The following ATRNL1 variants were observed in gnomAD, a reference collection of about 807,000 sequenced individuals.
ATRNL1 encodes attractin-like protein 1.
Under a neutral mutation model 182.7 loss-of-function variants are expected in ATRNL1, and 95 were observed. The observed-to-expected ratio is 0.52, with a 90% CI of 0.44 to 0.62. The LOEUF is 0.62. ATRNL1 is among the 20% of genes least tolerant of loss of function. The pLI is 0.00. For synonymous variants in ATRNL1, 576 were observed against 568.3 expected, an observed-to-expected ratio of 1.01 and a Z score of -0.19; for missense variants, 1,471 against 1,679.5, an observed-to-expected ratio of 0.88 and a Z score of 2.17.
At chr10:115,237,967 G>T (rs1214570301) in intron 9 of ATRNL1, among the ~76,000 whole-genome samples, 1 of 152,156 alleles carries the variant, frequency 6.6e-6, no homozygotes, top group Non-Finnish European at 1.5e-5. Flanking sequence ...ATGCCCTGTT[G>T]TTCCAGCAAT....
At chr10:115,310,106 A>G (rs571835748) in intron 17 of ATRNL1, among the ~76,000 whole-genome samples, 1 of 152,198 alleles carries the variant, frequency 6.6e-6, no homozygotes, top group South Asian at 2.1e-4. Context: ...ATTATTTGAG[A>G]TTATCATATC....
chr10:115,694,815 T>G (rs1946501736), intron 26 of ATRNL1, among the ~76,000 whole-genome samples: 1 of 151,908 alleles, frequency 6.6e-6, no homozygotes, highest in Non-Finnish European at 1.5e-5. Context: ...TTTCCTTGCT[T>G]TATTTTGGGA....
intron 19 of ATRNL1, among the ~76,000 whole-genome samples, chr10:115,335,226 A>G (rs112283911): frequency 1.6e-4 from 25 of 152,186 alleles, no homozygotes; most frequent in African/African-American, 5.8e-4. Flanking sequence ...TCTAGATTGG[A>G]ACTTGTCTTT....
intron 26 of ATRNL1, among the ~76,000 whole-genome samples, chr10:115,564,790 G>A (rs1223179997): frequency 6.6e-6 from 1 of 151,790 alleles, no homozygotes; most frequent in East Asian, 1.9e-4. Flanking sequence ...ACATACAGAA[G>A]CAATATGAAT....
chr10:115,548,179 A>C (rs558491876), intron 25 of ATRNL1, among the ~76,000 whole-genome samples: 18 of 152,354 alleles, frequency 1.2e-4, no homozygotes, highest in African/African-American at 3.8e-4. Flanking sequence ...AAATAAGAAT[A>C]GTATATACTA....
chr10:115,863,313 C>G (rs1339897577), intron 28 of ATRNL1, among the ~76,000 whole-genome samples: 1 of 152,040 alleles, frequency 6.6e-6, no homozygotes, highest in South Asian at 2.1e-4. Context: ...AAAGAGCAAC[C>G]TAAGTACCTT....
At chr10:115,713,704 T>TCTATCATCTATC (rs1947150466) in intron 26 of ATRNL1, among the ~76,000 whole-genome samples, 1 of 48,158 alleles carries the variant, frequency 2.1e-5, no homozygotes, top group African/African-American at 4.4e-5. Flanking sequence ...TATCTATCTA[T>TCTATCATCTATC]CATCTATCTA....
At chr10:115,175,268 G>T (rs1554886482) in intron 8 of ATRNL1, among the ~76,000 whole-genome samples, 2 of 151,968 alleles carry the variant, frequency 1.3e-5, no homozygotes, top group Admixed American at 6.6e-5. Context: ...CATAATGGTG[G>T]TTATGCTTTC....
At chr10:115,713,308 A>G (rs1555055112) in intron 26 of ATRNL1, among the ~76,000 whole-genome samples, 1 of 152,166 alleles carries the variant, frequency 6.6e-6, no homozygotes, top group African/African-American at 2.4e-5. Flanking sequence ...TACTTTCTAG[A>G]TGCTGAGATT....
At chr10:115,492,710 C>A (rs1023066822) in intron 24 of ATRNL1, among the ~76,000 whole-genome samples, 2 of 136,248 alleles carry the variant, frequency 1.5e-5, no homozygotes, top group African/African-American at 5.7e-5. Context: ...GTGGCACAAT[C>A]TTGGCCCACT....
intron 18 of ATRNL1, among the ~76,000 whole-genome samples, chr10:115,321,086 G>T (rs1554931332): frequency 3.3e-5 from 5 of 151,986 alleles, no homozygotes. Flanking sequence ...AGGGTTTTTT[G>T]TGGGGCCTTT....
chr10:115,741,515 A>G (rs1273361511), intron 27 of ATRNL1, among the ~76,000 whole-genome samples: 2 of 152,160 alleles, frequency 1.3e-5, no homozygotes, highest in Non-Finnish European at 2.9e-5. Flanking sequence ...CATGGAAGAC[A>G]ATTTAAACAA....
At chr10:115,455,705 A>G (rs1371822781) in intron 21 of ATRNL1, among the ~76,000 whole-genome samples, 1 of 152,214 alleles carries the variant, frequency 6.6e-6, no homozygotes, top group Non-Finnish European at 1.5e-5. Context: ...GGCAGCCTAC[A>G]GAATGGGAGA....
intron 27 of ATRNL1, among the ~76,000 whole-genome samples, chr10:115,808,577 T>C (rs1401259361): frequency 6.6e-6 from 1 of 152,160 alleles, no homozygotes; most frequent in African/African-American, 2.4e-5. Flanking sequence ...TGGCTAGGTA[T>C]ATGTGCAACT....
At chr10:115,696,894 A>C (rs915042988) in intron 26 of ATRNL1, among the ~76,000 whole-genome samples, 1 of 149,042 alleles carries the variant, frequency 6.7e-6, no homozygotes, top group Non-Finnish European at 1.5e-5. Flanking sequence ...AGAGAGAGAG[A>C]GAGAGCGAGC....
At chr10:115,840,019 A>G (rs1950766786) in intron 27 of ATRNL1, among the ~76,000 whole-genome samples, 2 of 152,154 alleles carry the variant, frequency 1.3e-5, no homozygotes, top group South Asian at 4.1e-4. Flanking sequence ...ACAATTTGGA[A>G]AAGGGAAAAC....
intron 27 of ATRNL1, among the ~76,000 whole-genome samples, chr10:115,826,771 G>T (rs1555092138): frequency 6.6e-6 from 1 of 152,156 alleles, no homozygotes; most frequent in African/African-American, 2.4e-5. Context: ...GGAAGCGCAG[G>T]CTGTAGGTAA....
chr10:115,262,972 GTCTTT>G (rs575918824), intron 10 of ATRNL1, among the ~76,000 whole-genome samples: 17 of 151,944 alleles, frequency 1.1e-4, no homozygotes, highest in African/African-American at 4.1e-4. Flanking sequence ...TCGAAGTTGT[GTCTTT>G]TCTTATACCT....
At chr10:115,783,250 A>G (rs1949312585) in intron 27 of ATRNL1, among the ~76,000 whole-genome samples, 1 of 151,980 alleles carries the variant, frequency 6.6e-6, no homozygotes, top group African/African-American at 2.4e-5. Context: ...ACACACACAC[A>G]CACACATTTA....
Sources: gnomAD v4.1 joint callset for allele counts (sites outside exome capture counted in the v4.1 genomes callset) on GRCh38, gnomAD v4.1.1 for gene constraint, MANE v1.5 for transcripts, NCBI Gene and HGNC (gene_info 2026-07-23, HGNC 2026-07-21) for gene names.